The following HERC6 variants were observed in gnomAD, a reference collection of about 807,000 sequenced individuals.
The protein encoded by HERC6 is HECT and RLD domain containing E3 ubiquitin protein ligase family member 6, also known as probable E3 ubiquitin-protein ligase HERC6.
HERC6 carries 101 observed loss-of-function variants against 114.5 expected under a neutral mutation model. That is an observed-to-expected ratio of 0.88 (90% CI 0.75 to 1.04). The LOEUF (loss-of-function observed/expected upper bound fraction) is 1.04. HERC6 is among the 50% of genes least tolerant of loss of function. HERC6 has a pLI of 0.00. For synonymous variants in HERC6, 408 were observed against 436.2 expected (o/e 0.94, Z 0.81); for missense variants, 1,133 against 1,230.9 (o/e 0.92, Z 1.19).
At chr4:88,427,444 CCTGCAGACTT>C (rs372610563) in intron 15 of HERC6, among the ~76,000 whole-genome samples, 161 of 152,270 alleles carry the variant, frequency 1.1e-3, no homozygotes, top group African/African-American at 3.6e-3. Flanking sequence ...ATGTCCCAGA[CCTGCAGACTT>C]CTGCAGGGCC....
intron 13 of HERC6, among the ~76,000 whole-genome samples, chr4:88,422,469 T>C (rs1397631882): frequency 6.6e-6 from 1 of 152,212 alleles, no homozygotes; most frequent in East Asian, 1.9e-4. Flanking sequence ...TCTAGTTTGC[T>C]GAGGGCTTTG....
intron 11 of HERC6, among the ~76,000 whole-genome samples, chr4:88,410,924 T>A (rs1736063649): frequency 6.6e-6 from 1 of 152,176 alleles, no homozygotes; most frequent in Non-Finnish European, 1.5e-5. Context: ...GTCTCCTTTT[T>A]AGCAGTGTAG....
At chr4:88,426,464 G>A (rs960331751) in intron 15 of HERC6, among the ~76,000 whole-genome samples, 7 of 148,380 alleles carry the variant, frequency 4.7e-5, no homozygotes, top group Admixed American at 2.7e-4. Context: ...CACCGCACCC[G>A]GCTTATTATT....
chr4:88,400,832 G>A (rs1294208912), intron 8 of HERC6, among the ~76,000 whole-genome samples: 2 of 151,990 alleles, frequency 1.3e-5, no homozygotes, highest in Non-Finnish European at 2.9e-5. Flanking sequence ...CATTAAACTT[G>A]ATCATATGTA....
At chr4:88,417,606 G>A (rs1736614502) in intron 13 of HERC6, 27 bp downstream of exon 13, 2 of 1,585,920 alleles carry the variant, frequency 1.3e-6, no homozygotes, top group African/African-American at 1.4e-5. Flanking sequence ...AGGAATGCAT[G>A]TACTATTTTA....
At chr4:88,433,922 A>G (rs1414513916) in intron 17 of HERC6, among the ~76,000 whole-genome samples, 1 of 152,242 alleles carries the variant, frequency 6.6e-6, no homozygotes, top group Non-Finnish European at 1.5e-5. Context: ...CCTCTAAAAT[A>G]TAGGAATGGC....
chr4:88,424,545 T>G (rs774765637), intron 14 of HERC6, 50 bp from the exon 15 acceptor site: 122 of 1,391,122 alleles, frequency 8.8e-5, no homozygotes, highest in Non-Finnish European at 1.1e-4. Flanking sequence ...AAGTAAGTTT[T>G]TTTTCATTGT....
chr4:88,398,078 A>G lies in HERC6; in HGVS notation c.1025-64A>G, dbSNP rs10516807. 0.01 allele frequency: 11,518 copies of G among 1,125,396 alleles called. 848 individuals are homozygous for G. In the African/African-American group the frequency reaches 0.17, roughly 16 times the overall value. 69.7% of individuals were successfully genotyped at this position (1,125,396 alleles called of 1,614,324 possible). A position where few individuals can be genotyped will look rare whatever the true frequency, so the allele number is the denominator to read the frequency against. On this transcript the variant is annotated intron_variant, in intron 7 of 22. Coordinates refer to ENST00000264346, the MANE Select transcript of HERC6 (RefSeq NM_017912.4). ...AGTAAGTAAATAAATTTTTGGCTTG[A>G]TAATACATCAGATTTATTTTTACTT... is the stretch of plus-strand genomic sequence containing the variant.
chr4:88,381,946 T>G (rs1162402033), intron 1 of HERC6, among the ~76,000 whole-genome samples: 1 of 152,042 alleles, frequency 6.6e-6, no homozygotes. Context: ...CAGAGACCTC[T>G]TCCTGCATCT....
At chr4:88,402,812 G>A (rs1421034983) in intron 8 of HERC6, among the ~76,000 whole-genome samples, 1 of 152,172 alleles carries the variant, frequency 6.6e-6, no homozygotes, top group African/African-American at 2.4e-5. Flanking sequence ...GAAATGGTAT[G>A]TAACTGCCAA....
At chr4:88,439,842 CTTTTTT>C (rs537714979) in intron 20 of HERC6, 26 bp from the exon 21 acceptor site, 1,996 of 995,494 alleles carry the variant, frequency 2.0e-3, no homozygotes, top group Middle Eastern at 3.1e-3. Flanking sequence ...TCCTTCCTTT[CTTTTTT>C]TTTTTTTTTT....
At chr4:88,385,417 G>A (rs1734521392) in intron 2 of HERC6, 82 bp from the exon 3 acceptor site, 2 of 684,826 alleles carry the variant, frequency 2.9e-6, no homozygotes, top group Admixed American at 6.6e-5. Flanking sequence ...TGTATTATTT[G>A]AGATACTTTT....
chr4:88,384,069 C>A (rs1734457111), intron 2 of HERC6, among the ~76,000 whole-genome samples: 1 of 152,044 alleles, frequency 6.6e-6, no homozygotes, highest in Non-Finnish European at 1.5e-5. Flanking sequence ...AAAACAGAGC[C>A]TCCTGAAAAT....
chr4:88,438,125 CA>C (rs746047106), intron 20 of HERC6, among the ~76,000 whole-genome samples: 916 of 43,968 alleles, frequency 0.021, no homozygotes, highest in African/African-American at 0.064. Context: ...GACTGTGTCT[CA>C]AAAAAAAAAA....
At chr4:88,427,373 G>A (rs749195154) in intron 15 of HERC6, among the ~76,000 whole-genome samples, 13 of 152,152 alleles carry the variant, frequency 8.5e-5, no homozygotes, top group Admixed American at 5.9e-4. Context: ...GGACATTGCT[G>A]GCCACAAACC....
intron 20 of HERC6, among the ~76,000 whole-genome samples, chr4:88,438,731 A>G (rs1324650637): frequency 6.6e-6 from 1 of 152,194 alleles, no homozygotes; most frequent in Non-Finnish European, 1.5e-5. Flanking sequence ...AGTAGCTGAA[A>G]ATCAGCCACA....
chr4:88,396,495 G>A (rs747115653), intron 6 of HERC6, among the ~76,000 whole-genome samples: 4 of 152,034 alleles, frequency 2.6e-5, no homozygotes, highest in Non-Finnish European at 2.9e-5. Flanking sequence ...ATATATTTTC[G>A]GAGTTCTGCG....
chr4:88,430,585 T>TAAATAA (rs1478324272), intron 16 of HERC6, among the ~76,000 whole-genome samples: 2 of 150,010 alleles, frequency 1.3e-5, no homozygotes, highest in African/African-American at 4.9e-5. Flanking sequence ...AATAAATAAA[T>TAAATAA]AAATAAATAA....
At position 88,404,974 on chromosome 4, in the gene HERC6, T is replaced by C. The variant is rs1287776282; in HGVS notation, c.1191T>C (p.Ser397=). 3.1e-6 allele frequency: 5 copies of C among 1,613,402 alleles called. No homozygotes were observed. Among genetic ancestry groups the C allele is most frequent in the Non-Finnish European group, 4.2e-6 (5 of 1,179,632 alleles). The change falls in exon 9 of 23, where the codon AGT becomes AGC. Residue 397 remains serine, a synonymous_variant. Transcript: ENST00000264346. ...AATGGATAGCAGTGAAAAGAAGAAGTACTGAACATGAAATGGCTAAAAGGT... is the reference window on the plus strand; with the variant it reads ...AATGGATAGCAGTGAAAAGAAGAAGCACTGAACATGAAATGGCTAAAAGGT... ...AEKWIAVKRR[S]TEHEMAKSEI...
Sources: gnomAD v4.1 joint callset for allele counts (sites outside exome capture counted in the v4.1 genomes callset) on GRCh38, gnomAD v4.1.1 for gene constraint, MANE v1.5 for transcripts, NCBI Gene and HGNC (gene_info 2026-07-23, HGNC 2026-07-21) for gene names.